The following RABGAP1L variants were observed in gnomAD, a reference collection of about 807,000 sequenced individuals.
RABGAP1L encodes RAB GTPase activating protein 1 like, also known as rab GTPase-activating protein 1-like.
In RABGAP1L, 63 loss-of-function variants were observed where a neutral mutation model predicts 137.7. That is an observed-to-expected ratio of 0.46 (90% CI 0.37 to 0.56). The LOEUF (loss-of-function observed/expected upper bound fraction) is 0.56, where lower values mean the gene tolerates loss of function less well. RABGAP1L is among the 20% of genes least tolerant of loss of function. The probability of loss-of-function intolerance (pLI) is 0.00; values close to 1 mark genes in which losing one functional copy is unlikely to be tolerated. For missense variants in RABGAP1L, 1,095 were observed against 1,244.0 expected (o/e 0.88, Z 1.80); for synonymous variants, 431 against 433.7 (o/e 0.99, Z 0.08).
At chr1:174,285,100 T>C (rs761123894) in intron 10 of RABGAP1L, among the ~76,000 whole-genome samples, 3 of 152,158 alleles carry the variant, frequency 2.0e-5, no homozygotes, top group Non-Finnish European at 2.9e-5. Flanking sequence ...CACTGCAACC[T>C]CTGCCTCCCG....
chr1:174,489,151 T>A (rs1331793820), intron 13 of RABGAP1L, among the ~76,000 whole-genome samples: 2 of 151,686 alleles, frequency 1.3e-5, no homozygotes, highest in Non-Finnish European at 2.9e-5. Context: ...CCAAAAACAA[T>A]GGCAACAAAA....
chr1:174,933,426 A>T (rs1664198799), intron 19 of RABGAP1L, among the ~76,000 whole-genome samples: 1 of 152,168 alleles, frequency 6.6e-6, no homozygotes, highest in Admixed American at 6.5e-5. Context: ...TGCTTGGGCC[A>T]GGTCTCCCCA....
intron 14 of RABGAP1L, among the ~76,000 whole-genome samples, chr1:174,664,831 G>A (rs994440044): frequency 8.3e-5 from 12 of 144,998 alleles, no homozygotes; most frequent in Admixed American, 5.7e-4. Flanking sequence ...TCTGCCTCCC[G>A]GGTTCAAGCG....
intron 13 of RABGAP1L, among the ~76,000 whole-genome samples, chr1:174,409,168 G>A (rs904847840): frequency 6.6e-6 from 1 of 152,172 alleles, no homozygotes; most frequent in African/African-American, 2.4e-5. Context: ...GGAGGGACCA[G>A]CTGGAGCTGC....
At chr1:174,691,349 C>T (rs1443175495) in intron 15 of RABGAP1L, among the ~76,000 whole-genome samples, 11 of 152,172 alleles carry the variant, frequency 7.2e-5, no homozygotes, top group Non-Finnish European at 1.5e-5. Flanking sequence ...ACTTGAAATA[C>T]TTAGCACTGC....
chr1:174,299,209 A>G lies in RABGAP1L; in HGVS notation c.1324-5777A>G, dbSNP rs181187086. 2.8e-3 allele frequency among the ~76,000 whole-genome samples: 425 copies of G among 152,346 alleles called. 1 individual carries two copies. Among genetic ancestry groups the G allele is most frequent in the African/African-American group, 9.4e-3 (391 of 41,568 alleles). On this transcript the variant is annotated intron_variant, in intron 10 of 25. Transcript: ENST00000681986. Reference sequence around the variant, plus strand: ...GTTTGTTCCATAAGGAATCTCAGATAAGACCTTTTAAGTCTGAGCCTAATC... The same window carrying G: ...GTTTGTTCCATAAGGAATCTCAGATGAGACCTTTTAAGTCTGAGCCTAATC...
intron 13 of RABGAP1L, among the ~76,000 whole-genome samples, chr1:174,550,997 C>CATATATATATATATATAT (rs1252681895): frequency 4.3e-4 from 40 of 92,162 alleles, no homozygotes; most frequent in African/African-American, 1.5e-3. Flanking sequence ...TATATATATA[C>CATATATATATATATATAT]ACATATATAT....
In RABGAP1L at chr1:174,605,488, G is replaced by C. The variant is rs555844098; in HGVS notation, c.1711-31887G>C. Among the ~76,000 whole-genome samples the C allele has an allele frequency of 4.6e-5, 7 of 152,100 alleles. No homozygotes were observed. In the South Asian group the frequency reaches 1.0e-3, roughly 23 times the overall value. On this transcript the variant is annotated intron_variant, in intron 13 of 25. Coordinates refer to ENST00000681986, the MANE Select transcript of RABGAP1L (RefSeq NM_001366446.1). ...TTGCTTTGATTATGCTTTGTCTTCAGGATTATACTTGTAAAGCCTTTTTTT... is the reference window on the plus strand; with the variant it reads ...TTGCTTTGATTATGCTTTGTCTTCACGATTATACTTGTAAAGCCTTTTTTT...
intron 13 of RABGAP1L, among the ~76,000 whole-genome samples, chr1:174,598,553 A>C (rs1471751442): frequency 6.6e-6 from 1 of 152,132 alleles, no homozygotes; most frequent in African/African-American, 2.4e-5. Flanking sequence ...TTTCTTAGCT[A>C]TAATAATATT....
At chr1:174,201,924 A>G (rs1236365876) in intron 1 of RABGAP1L, among the ~76,000 whole-genome samples, 3 of 151,588 alleles carry the variant, frequency 2.0e-5, no homozygotes, top group African/African-American at 7.3e-5. Flanking sequence ...TCCTTGCGAC[A>G]GTTTGCTGAG....
At chr1:174,890,153 T>C (rs1655883838) in intron 19 of RABGAP1L, among the ~76,000 whole-genome samples, 1 of 152,246 alleles carries the variant, frequency 6.6e-6, no homozygotes, top group Admixed American at 6.5e-5. Flanking sequence ...TGCATAGCAC[T>C]GTGTTAAGCT....
At chr1:174,390,532 T>C (rs954991320) in intron 12 of RABGAP1L, among the ~76,000 whole-genome samples, 3 of 152,188 alleles carry the variant, frequency 2.0e-5, no homozygotes, top group Admixed American at 6.5e-5. Context: ...TTATGCAAAA[T>C]AATCTGGGCC....
chr1:174,283,128 C>T (rs190294752), intron 10 of RABGAP1L, among the ~76,000 whole-genome samples: 50 of 151,750 alleles, frequency 3.3e-4, no homozygotes, highest in Non-Finnish European at 5.9e-4. Context: ...CCAGGCTGGA[C>T]GCAGTGGCTC....
intron 13 of RABGAP1L, among the ~76,000 whole-genome samples, chr1:174,467,167 A>G (rs1387889343): frequency 1.3e-5 from 2 of 152,190 alleles, no homozygotes; most frequent in African/African-American, 4.8e-5. Context: ...TTAGGGATGG[A>G]CACAGTAAAA....
chr1:174,565,313 T>C (rs1218417585), intron 13 of RABGAP1L, among the ~76,000 whole-genome samples: 2 of 152,300 alleles, frequency 1.3e-5, no homozygotes, highest in East Asian at 1.9e-4. Context: ...ATCTCCCTAC[T>C]TTCACTCCAC....
In RABGAP1L at chr1:174,995,129, G is replaced by A. The variant is rs1277789986; in HGVS notation, c.*5128G>A. On this transcript the variant is annotated 3_prime_UTR_variant, in exon 26 of 26. Coordinates refer to ENST00000681986, the MANE Select transcript of RABGAP1L (RefSeq NM_001366446.1). ...CCAACAAATGTTTACTTTTATAATC[G>A]TTATGAACTTGAATTGGATTAGTAT... The A allele has an allele frequency of 6.6e-6, 1 of 152,132 alleles. No homozygotes were observed. Among genetic ancestry groups the A allele is most frequent in the Non-Finnish European group, 1.5e-5 (1 of 68,024 alleles). The allele number at this position is 152,132 out of a possible 1,614,324, so 9.4% of individuals were successfully genotyped here. A position where few individuals can be genotyped will look rare whatever the true frequency, so the allele number is the denominator to read the frequency against.
chr1:174,773,766 T>C (rs1573124556), intron 18 of RABGAP1L, among the ~76,000 whole-genome samples: 2 of 152,228 alleles, frequency 1.3e-5, no homozygotes, highest in East Asian at 3.8e-4. Flanking sequence ...GTTCTGCCTT[T>C]CCACTTATTC....
At chr1:174,551,122 T>C (rs992097356) in intron 13 of RABGAP1L, among the ~76,000 whole-genome samples, 8 of 146,340 alleles carry the variant, frequency 5.5e-5, no homozygotes, top group African/African-American at 1.0e-4. Flanking sequence ...GGGAGGAGAA[T>C]TGCTTGAACC....
intron 17 of RABGAP1L, among the ~76,000 whole-genome samples, chr1:174,742,104 A>G (rs1374439863): frequency 6.7e-5 from 6 of 89,788 alleles, no homozygotes; most frequent in Non-Finnish European, 1.1e-4. Context: ...AAGAAGAAGA[A>G]GAGGAGGAGG....
Sources: gnomAD v4.1 joint callset for allele counts (sites outside exome capture counted in the v4.1 genomes callset) on GRCh38, gnomAD v4.1.1 for gene constraint, MANE v1.5 for transcripts, NCBI Gene and HGNC (gene_info 2026-07-23, HGNC 2026-07-21) for gene names.